CAPZB: variants seen among roughly 807,000 people sequenced by gnomAD.
CAPZB encodes the protein capping actin protein of muscle Z-line subunit beta, also known as F-actin-capping protein subunit beta.
In CAPZB, 2 loss-of-function variants were observed where a neutral mutation model predicts 38.1. The ratio of observed to expected loss-of-function variants is 0.05; its 90% confidence interval spans 0.02 to 0.17. The LOEUF is 0.17. CAPZB is among the 10% of genes least tolerant of loss of function. The probability of loss-of-function intolerance (pLI) is 1.00; values close to 1 mark genes in which losing one functional copy is unlikely to be tolerated. For synonymous variants in CAPZB, 107 were observed against 127.4 expected (o/e 0.84, Z 1.08); for missense variants, 161 against 334.2 (o/e 0.48, Z 4.04).
At chr1:19,445,089 C>T (rs969061794) in intron 1 of CAPZB, among the ~76,000 whole-genome samples, 2 of 151,996 alleles carry the variant, frequency 1.3e-5, no homozygotes, top group African/African-American at 4.8e-5. Context: ...CAAAGATATC[C>T]ATTTCAGCAT....
At chr1:19,428,420 C>CA (rs71577894) in intron 1 of CAPZB, among the ~76,000 whole-genome samples, 18,577 of 127,060 alleles carry the variant, frequency 0.15, 1,253 homozygotes, top group Admixed American at 0.23. Context: ...CCCCACCTGC[C>CA]AAAAAAAAAA....
At chr1:19,448,181 C>T (rs750162557) in intron 1 of CAPZB, among the ~76,000 whole-genome samples, 2 of 152,244 alleles carry the variant, frequency 1.3e-5, no homozygotes, top group Non-Finnish European at 2.9e-5. Flanking sequence ...TATCTCCAAG[C>T]AAGAAGGGTG....
In CAPZB at chr1:19,483,357, G is replaced by A. The variant is rs542221952; in HGVS notation, c.3+2079C>T. 2.0e-5 allele frequency among the ~76,000 whole-genome samples: 3 copies of A among 152,294 alleles called. No homozygotes were observed. In the East Asian group the frequency reaches 5.8e-4, roughly 29 times the overall value. ...GATGGGCTTCCACTGACCAACAGTGGTTCCTCCACTGGCTGAGCAACACCC... is the reference window on the plus strand; with the variant it reads ...GATGGGCTTCCACTGACCAACAGTGATTCCTCCACTGGCTGAGCAACACCC... On this transcript the variant is annotated intron_variant, in intron 1 of 8. Transcript: ENST00000264202.
In CAPZB at chr1:19,385,563, T is replaced by C; in HGVS notation, c.157A>G (p.Lys53Glu). The change falls in exon 3 of 9, where the codon AAG becomes GAG. Residue 53 changes from lysine (K) to glutamate (E), a missense_variant. Transcript: ENST00000264202. Reference sequence around the variant, plus strand: ...AAAAGGTAATCCTTTCCCACCACCTTGTCTCTGGCAATTTTCAGTGGCTGG... The same window carrying C: ...AAAAGGTAATCCTTTCCCACCACCTCGTCTCTGGCAATTTTCAGTGGCTGG... The part of the protein sequence containing the change: ...VDQPLKIARD[K>E]VVGKDYLLCD... 6.2e-7 allele frequency: 1 copy of C among 1,614,104 alleles called. No homozygotes were observed. Among genetic ancestry groups the C allele is most frequent in the South Asian group, 1.1e-5 (1 of 91,078 alleles).
At chr1:19,484,808 G>T in intron 1 of CAPZB, 1 of 559,620 alleles carries the variant, frequency 1.8e-6, no homozygotes, top group South Asian at 5.9e-5. Context: ...GGGCAGTGAG[G>T]TCCAGACGGG....
chr1:19,415,589 G>T (rs1044577775), intron 2 of CAPZB, among the ~76,000 whole-genome samples: 2 of 152,242 alleles, frequency 1.3e-5, no homozygotes, highest in African/African-American at 4.8e-5. Flanking sequence ...AAACCTCCAG[G>T]ATCAGTCACA....
intron 2 of CAPZB, among the ~76,000 whole-genome samples, chr1:19,398,805 G>A (rs1359621029): frequency 6.6e-6 from 1 of 151,916 alleles, no homozygotes; most frequent in Non-Finnish European, 1.5e-5. Flanking sequence ...AAGGACTAAG[G>A]TGCAGACAGA....
intron 6 of CAPZB, among the ~76,000 whole-genome samples, chr1:19,349,283 G>T (rs1000696791): frequency 1.3e-5 from 2 of 152,166 alleles, no homozygotes; most frequent in African/African-American, 2.4e-5. Flanking sequence ...TGGTTACTGT[G>T]CCTAGGCTCA....
chr1:19,404,581 T>C (rs1034031363), intron 2 of CAPZB, among the ~76,000 whole-genome samples: 163 of 141,956 alleles, frequency 1.1e-3, no homozygotes, highest in African/African-American at 4.1e-3. Flanking sequence ...ATGGGAAAAA[T>C]GCTCGCTTGT....
At chr1:19,367,156 G>T (rs10917429) in intron 4 of CAPZB, among the ~76,000 whole-genome samples, 18,290 of 152,288 alleles carry the variant, frequency 0.12, 2,415 homozygotes, top group African/African-American at 0.33. Flanking sequence ...AAAGTCCAGA[G>T]AGCTGCAGAC....
chr1:19,414,155 C>T lies in CAPZB; in HGVS notation c.93+5506G>A, dbSNP rs142163343. ...CACTAAGGCTCGAATGTGGACACGT[C>T]CCCCAAGCACTCAGCCTTCTCATCT... is the stretch of plus-strand genomic sequence containing the variant. On this transcript the variant is annotated intron_variant, in intron 2 of 8. Coordinates refer to ENST00000264202, the MANE Select transcript of CAPZB (RefSeq NM_004930.5). 2.1e-4 allele frequency among the ~76,000 whole-genome samples: 32 copies of T among 152,238 alleles called. 1 individual carries two copies. The highest frequency in any genetic ancestry group is 7.5e-4 in the African/African-American group (31 of 41,526).
At chr1:19,480,289 G>A (rs890420504) in intron 1 of CAPZB, among the ~76,000 whole-genome samples, 3 of 152,096 alleles carry the variant, frequency 2.0e-5, no homozygotes, top group Non-Finnish European at 4.4e-5. Flanking sequence ...CCAAGCACTG[G>A]AGTAAGTACA....
chr1:19,366,283 A>AATAAATAAATATATATATATATATATAT (rs71008151), intron 4 of CAPZB, among the ~76,000 whole-genome samples: 7 of 60,504 alleles, frequency 1.2e-4, no homozygotes, highest in Non-Finnish European at 1.7e-4. Flanking sequence ...CGTGTCTTAA[A>AATAAATAAATATATATATATATATATAT]ATATATATAT....
chr1:19,459,684 CCTGCAGTTTCACTTT>C (rs1422136100), intron 1 of CAPZB, among the ~76,000 whole-genome samples: 3 of 152,164 alleles, frequency 2.0e-5, no homozygotes, highest in Non-Finnish European at 2.9e-5. Context: ...GTCCCCCTTA[CCTGCAGTTTCACTTT>C]CTGCAGTTTC....
chr1:19,478,360 C>T (rs1472578860), intron 1 of CAPZB, among the ~76,000 whole-genome samples: 1 of 152,198 alleles, frequency 6.6e-6, no homozygotes, highest in Non-Finnish European at 1.5e-5. Context: ...ACTGCACTTA[C>T]AACGTGCCAG....
At chr1:19,446,948 C>A (rs763719362) in intron 1 of CAPZB, among the ~76,000 whole-genome samples, 2 of 152,130 alleles carry the variant, frequency 1.3e-5, no homozygotes. Flanking sequence ...TGGATTTTGT[C>A]AATTTTACCC....
At chr1:19,379,389 G>A (rs1458922576) in intron 3 of CAPZB, among the ~76,000 whole-genome samples, 1 of 152,112 alleles carries the variant, frequency 6.6e-6, no homozygotes, top group Non-Finnish European at 1.5e-5. Flanking sequence ...GTGAGCCACC[G>A]CGCCTGGCCA....
intron 1 of CAPZB, among the ~76,000 whole-genome samples, chr1:19,432,732 C>A (rs926460921): frequency 6.6e-6 from 1 of 152,212 alleles, no homozygotes; most frequent in South Asian, 2.1e-4. Flanking sequence ...TGCCCCAGAG[C>A]ACTGAATGAC....
chr1:19,429,106 A>G (rs547807559), intron 1 of CAPZB, among the ~76,000 whole-genome samples: 1 of 152,312 alleles, frequency 6.6e-6, no homozygotes, highest in South Asian at 2.1e-4. Context: ...ACCATTTCTC[A>G]TTAGCCTAAG....
Sources: gnomAD v4.1 joint callset for allele counts (sites outside exome capture counted in the v4.1 genomes callset) on GRCh38, gnomAD v4.1.1 for gene constraint, MANE v1.5 for transcripts, NCBI Gene and HGNC (gene_info 2026-07-23, HGNC 2026-07-21) for gene names.